Variants in ALDH5A1 observed in about 807,000 individuals in gnomAD.
ALDH5A1 encodes aldehyde dehydrogenase 5 family member A1, also known as succinate-semialdehyde dehydrogenase, mitochondrial.
A neutral mutation model predicts 54.7 loss-of-function variants in ALDH5A1; 33 were observed. The observed-to-expected ratio is 0.60, with a 90% CI of 0.46 to 0.81. The LOEUF is 0.81. Ranked by LOEUF, ALDH5A1 falls within the 30% of genes least tolerant of loss-of-function variation. The probability of loss-of-function intolerance (pLI) is 0.00; values close to 1 mark genes in which losing one functional copy is unlikely to be tolerated. For missense variants in ALDH5A1, 657 were observed against 711.0 expected (o/e 0.92, Z 0.86); for synonymous variants, 294 against 292.7 (o/e 1.00, Z -0.05).
intron 4 of ALDH5A1, among the ~76,000 whole-genome samples, chr6:24,508,644 G>T (rs1459679826): frequency 6.6e-6 from 1 of 152,086 alleles, no homozygotes; most frequent in Admixed American, 6.6e-5. Flanking sequence ...CAGTAGTGGG[G>T]TTGCTGGATC....
chr6:24,523,476 G>T (rs923858262), intron 7 of ALDH5A1, among the ~76,000 whole-genome samples: 3 of 152,204 alleles, frequency 2.0e-5, no homozygotes, highest in Non-Finnish European at 4.4e-5. Flanking sequence ...GAATCGGGTT[G>T]TTGTCTGGTC....
intron 4 of ALDH5A1, among the ~76,000 whole-genome samples, chr6:24,514,170 C>T (rs946193527): frequency 1.3e-5 from 2 of 152,278 alleles, no homozygotes; most frequent in South Asian, 2.1e-4. Context: ...GGTTTGCATG[C>T]GGGTTCTGTT....
rs1017271633 is a variant in ALDH5A1, at chr6:24,536,666, T to C, written c.*2954T>C. 4.6e-5 allele frequency: 7 copies of C among 152,240 alleles called. No homozygotes were observed. The highest frequency in any genetic ancestry group is 1.0e-4 in the Non-Finnish European group (7 of 68,032). The allele number at this position is 152,240 out of a possible 1,614,324, so 9.4% of individuals were successfully genotyped here. ...AACTTCCCAGCGATGATAATGTACATGAAATTAGCCACGTAACAAGAGTCT... is the reference window on the plus strand; with the variant it reads ...AACTTCCCAGCGATGATAATGTACACGAAATTAGCCACGTAACAAGAGTCT... On this transcript the variant is annotated 3_prime_UTR_variant, in exon 10 of 10. Transcript: ENST00000357578.
intron 4 of ALDH5A1, among the ~76,000 whole-genome samples, chr6:24,507,755 G>A (rs958955104): frequency 1.3e-5 from 2 of 151,440 alleles, no homozygotes; most frequent in Non-Finnish European, 2.9e-5. Context: ...TTTATTTCTG[G>A]GTGTAAAATG....
intron 5 of ALDH5A1, among the ~76,000 whole-genome samples, chr6:24,515,784 G>A (rs1759560147): frequency 6.6e-6 from 1 of 152,188 alleles, no homozygotes; most frequent in Non-Finnish European, 1.5e-5. Flanking sequence ...ATTTTGGACA[G>A]TTCTTTGTGG....
At chr6:24,516,415 T>C (rs1759573493) in intron 5 of ALDH5A1, among the ~76,000 whole-genome samples, 1 of 119,350 alleles carries the variant, frequency 8.4e-6, no homozygotes. Flanking sequence ...CACTCCAGCC[T>C]GGGCGACAGA....
At position 24,520,212 on chromosome 6, in the gene ALDH5A1, A is replaced by G. The variant is rs1040704243; in HGVS notation, c.871-189A>G. Among the ~76,000 whole-genome samples the G allele has an allele frequency of 2.6e-5, 4 of 152,096 alleles. No individual in the cohort carries two copies. The highest frequency in any genetic ancestry group is 4.4e-5 in the Non-Finnish European group (3 of 68,032). On this transcript the variant is annotated intron_variant, in intron 5 of 9. Coordinates refer to ENST00000357578, the MANE Select transcript of ALDH5A1 (RefSeq NM_001080.3). ...CACTACCACACCCAGCCTCTTCCCAATGTTTCTTTATCAAATACAAGCAAA... is the reference window on the plus strand; with the variant it reads ...CACTACCACACCCAGCCTCTTCCCAGTGTTTCTTTATCAAATACAAGCAAA...
chr6:24,499,251 C>A (rs567059193), intron 1 of ALDH5A1, among the ~76,000 whole-genome samples: 24 of 152,090 alleles, frequency 1.6e-4, no homozygotes, highest in African/African-American at 5.1e-4. Flanking sequence ...GAGATGGCGC[C>A]ACTGTACTCC....
At chr6:24,506,063 C>G (rs1759339333) in intron 4 of ALDH5A1, among the ~76,000 whole-genome samples, 1 of 151,772 alleles carries the variant, frequency 6.6e-6, no homozygotes, top group African/African-American at 2.4e-5. Context: ...TACCCTATCA[C>G]TATTTGTAGG....
At chr6:24,525,085 T>C (rs1329789620) in intron 7 of ALDH5A1, among the ~76,000 whole-genome samples, 1 of 152,212 alleles carries the variant, frequency 6.6e-6, no homozygotes, top group Non-Finnish European at 1.5e-5. Flanking sequence ...AACCACCTTG[T>C]TTAAAAACAC....
chr6:24,511,863 T>C (rs1172072324), intron 4 of ALDH5A1: 1 of 594,984 alleles, frequency 1.7e-6, no homozygotes, highest in Admixed American at 2.4e-5. Flanking sequence ...TTTGGATCCA[T>C]TGTTGGTGAG....
chr6:24,515,102 CTTTTTTT>C, intron 4 of ALDH5A1, 58 bp from the exon 5 acceptor site: 22 of 927,216 alleles, frequency 2.4e-5, no homozygotes, highest in South Asian at 8.6e-5. Flanking sequence ...TTTCTCTTTT[CTTTTTTT>C]TTTTTTTTTT....
chr6:24,528,969 G>C (rs1429203658), intron 8 of ALDH5A1, among the ~76,000 whole-genome samples: 1 of 152,010 alleles, frequency 6.6e-6, no homozygotes, highest in Admixed American at 6.6e-5. Context: ...GAACCACCGT[G>C]CTCAGACCTG....
chr6:24,508,361 CAAAAAAAAA>C (rs1214819272), intron 4 of ALDH5A1, among the ~76,000 whole-genome samples: 379 of 13,064 alleles, frequency 0.029, 6 homozygotes, highest in South Asian at 0.15. Context: ...ACTCCATCTC[CAAAAAAAAA>C]AAAAAAAAAA....
rs1262673294 is a variant in ALDH5A1, at chr6:24,508,375, A to AT, written c.726+3390_726+3391insT. 3.4e-3 allele frequency among the ~76,000 whole-genome samples: 178 copies of AT among 51,892 alleles called. 23 individuals are homozygous for AT. Among genetic ancestry groups the AT allele is most frequent in the African/African-American group, 8.6e-3 (144 of 16,740 alleles). 34.0% of individuals were successfully genotyped at this position (51,892 alleles called of 152,430 possible). ...GACTCCATCTCCAAAAAAAAAAAAA[A>AT]AAAAAAAAAAAAAGATTAATAGTCT... On this transcript the variant is annotated intron_variant, in intron 4 of 9. Coordinates refer to ENST00000357578, the MANE Select transcript of ALDH5A1 (RefSeq NM_001080.3).
At position 24,535,225 on chromosome 6, in the gene ALDH5A1, C is replaced by T. The variant is rs1760022945; in HGVS notation, c.*1513C>T. The T allele has an allele frequency of 6.6e-6, 1 of 152,178 alleles. No individual in the cohort carries two copies. Among genetic ancestry groups the T allele is most frequent in the South Asian group, 2.1e-4 (1 of 4,826 alleles). The allele number at this position is 152,178 out of a possible 1,614,324, so 9.4% of individuals were successfully genotyped here. A position where few individuals can be genotyped will look rare whatever the true frequency, so the allele number is the denominator to read the frequency against. On this transcript the variant is annotated 3_prime_UTR_variant, in exon 10 of 10. Coordinates refer to ENST00000357578, the MANE Select transcript of ALDH5A1 (RefSeq NM_001080.3). ...GAACCCCACCTAGGATTTAACATCC[C>T]TCATTGAGCCACTGGGAAGCTATGG... is the stretch of plus-strand genomic sequence containing the variant.
chr6:24,525,532 T>TAA (rs61178893), intron 7 of ALDH5A1, among the ~76,000 whole-genome samples: 49 of 124,754 alleles, frequency 3.9e-4, no homozygotes, highest in African/African-American at 1.2e-3. Context: ...ACCCTATCTC[T>TAA]AAAAAAAAAA....
intron 4 of ALDH5A1, 62 bp from the exon 5 acceptor site, chr6:24,515,105 T>TTTTTTTTTTTTTTTTTTTC: frequency 8.4e-7 from 1 of 1,186,358 alleles, no homozygotes; most frequent in Admixed American, 2.7e-5. Context: ...CTCTTTTCTT[T>TTTTTTTTTTTTTTTTTTTC]TTTTTTTTTT....
At chr6:24,499,686 A>G (rs1428209701) in intron 1 of ALDH5A1, among the ~76,000 whole-genome samples, 1 of 133,108 alleles carries the variant, frequency 7.5e-6, no homozygotes, top group Non-Finnish European at 1.6e-5. Flanking sequence ...TTTTTTTTTG[A>G]GACGGAGTCT....
Sources: gnomAD v4.1 joint callset for allele counts (sites outside exome capture counted in the v4.1 genomes callset) on GRCh38, gnomAD v4.1.1 for gene constraint, MANE v1.5 for transcripts, NCBI Gene and HGNC (gene_info 2026-07-23, HGNC 2026-07-21) for gene names.